The following DPP9 variants were observed in gnomAD, a reference collection of about 807,000 sequenced individuals.
The protein encoded by DPP9 is dipeptidyl peptidase 9, also known as dipeptidyl peptidase IV-related protein-2.
In DPP9, 50 loss-of-function variants were observed where a neutral mutation model predicts 110.7. The ratio of observed to expected loss-of-function variants is 0.45; its 90% CI spans 0.36 to 0.57. The LOEUF is 0.57. Among genes scored for constraint, DPP9 ranks in the 20% least tolerant of loss-of-function variants. The pLI, the probability that DPP9 is intolerant of heterozygous loss-of-function variation, is 0.00. For synonymous variants in DPP9, 561 were observed against 514.4 expected (o/e 1.09, Z -1.23); for missense variants, 1,022 against 1,217.9 (o/e 0.84, Z 2.39).
At chr19:4,722,414 C>A (rs2093362284) in intron 2 of DPP9, 85 bp downstream of exon 2, 2 of 670,154 alleles carry the variant, frequency 3.0e-6, no homozygotes, top group Admixed American at 4.6e-5. Context: ...CATTTCCTGC[C>A]CATGTCTATA....
At chr19:4,717,436 G>A (rs1568335387) in intron 3 of DPP9, among the ~76,000 whole-genome samples, 1 of 152,142 alleles carries the variant, frequency 6.6e-6, no homozygotes, top group Non-Finnish European at 1.5e-5. Flanking sequence ...TCCTCTGAGC[G>A]GCCTAAGCAC....
chr19:4,704,232 C>T lies in DPP9; in HGVS notation c.499G>A (p.Gly167Ser), dbSNP rs1193951296. The stretch of plus-strand genomic sequence containing the variant: ...CTGTGGAAGTCGTAGGAGGTGATGC[C>T]GAAGACCCCCAGGCGTTTCCGCTCC... ...LRERKRLGVFGITSYDFHSES... is the reference protein window; with the variant it reads ...LRERKRLGVFSITSYDFHSES... Residue 167 changes from glycine (G) to serine (S), a missense_variant, in exon 6 of 22, where the codon GGC becomes AGC. This residue lies in a region of DPP9 where 810 missense variants were observed against 920.6 expected (regional missense o/e 0.88). Coordinates refer to ENST00000262960, the MANE Select transcript of DPP9 (RefSeq NM_139159.5). This position sits in a 1 kb window ranked among gnomAD's most constrained non-coding sequence, Gnocchi z 6.0. 1 of 1,613,984 alleles carries T rather than the reference C, an allele frequency of 6.2e-7. No homozygotes were observed. Among genetic ancestry groups the T allele is most frequent in the Non-Finnish European group, 8.5e-7 (1 of 1,179,898 alleles).
In DPP9 at chr19:4,676,781, G is replaced by A. The variant is rs1237731176; in HGVS notation, c.2587-125C>T. ...GGTGCTCTGAGGCCCAGTGATCTGG[G>A]TTTGAATCCCACCTCGGCTGTTGAC... On this transcript the variant is annotated intron_variant, in intron 21 of 21. Transcript: ENST00000262960. This position sits in a 1 kb window ranked among gnomAD's most constrained non-coding sequence, Gnocchi z 4.0. 1.3e-6 allele frequency: 1 copy of A among 746,158 alleles called. No homozygotes were observed. Among genetic ancestry groups the A allele is most frequent in the Admixed American group, 2.1e-5 (1 of 46,568 alleles). The allele number at this position is 746,158 out of a possible 1,614,324, so 46.2% of individuals were successfully genotyped here.
At chr19:4,691,500 C>A (rs1409180757) in intron 13 of DPP9, among the ~76,000 whole-genome samples, 22 of 148,758 alleles carry the variant, frequency 1.5e-4, no homozygotes, top group African/African-American at 5.5e-4. Context: ...AAACAAAAAA[C>A]AGGAAGAGAA....
intron 3 of DPP9, 146 bp from the exon 4 acceptor site, chr19:4,714,483 G>A: frequency 9.9e-7 from 1 of 1,014,110 alleles, no homozygotes; most frequent in Non-Finnish European, 1.4e-6. Flanking sequence ...TTCTTGGGTT[G>A]GTCTACCTCT....
At position 4,683,587 on chromosome 19, in the gene DPP9, C is replaced by T. The variant is rs772255206; in HGVS notation, c.2221G>A (p.Val741Met). ...IEDQVEGLQF[V>M]AEKYGFIDLS... ...TCGATGAAGCCATACTTCTCGGCCA[C>T]GAACTGCAGGCCCTCCACCTGGTCC... The change falls in exon 19 of 22, where the codon GTG (valine) becomes ATG (methionine). Residue 741 changes from valine (V) to methionine (M), a missense_variant. By Grantham distance (21) the Val-to-Met change is conservative. Coordinates refer to ENST00000262960, the MANE Select transcript of DPP9 (RefSeq NM_139159.5). 9.9e-6 allele frequency: 16 copies of T among 1,613,470 alleles called. No homozygotes were observed. The Admixed American group carries it at 2.2e-4, about 22-fold the overall frequency.
intron 4 of DPP9, among the ~76,000 whole-genome samples, chr19:4,711,068 C>T (rs988730616): frequency 6.6e-6 from 1 of 152,108 alleles, no homozygotes; most frequent in African/African-American, 2.4e-5. Context: ...GAACCTGAGG[C>T]ATGGAATCCC....
chr19:4,683,374 C>T lies in DPP9; in HGVS notation c.2331+103G>A, dbSNP rs768313705. 5.4e-5 allele frequency: 83 copies of T among 1,543,818 alleles called. 2 individuals are homozygous for T. In the South Asian group the frequency reaches 7.0e-4, roughly 13 times the overall value. ...CAAGGCCCCTGCCGAGGCGCCTCCC[C>T]GGTAGGTGGGCTCCGGGTGGCGCGG... On this transcript the variant is annotated intron_variant, in intron 19 of 21. Transcript: ENST00000262960.
At position 4,682,464 on chromosome 19, in the gene DPP9, T is replaced by C. The variant is rs990238689; in HGVS notation, c.2474+232A>G. Among the ~76,000 whole-genome samples the C allele has an allele frequency of 5.3e-5, 8 of 152,054 alleles. No homozygotes were observed. Among genetic ancestry groups the C allele is most frequent in the African/African-American group, 1.9e-4 (8 of 41,410 alleles). The stretch of plus-strand genomic sequence containing the variant: ...GTGAGCCTCCTTCCCCAGACAAGCA[T>C]CCCTGGGTGCCCCTTCCTGCAAGGT... On this transcript the variant is annotated intron_variant, in intron 20 of 21. Transcript: ENST00000262960. The surrounding 1 kb of genome is among the most constrained non-coding windows in gnomAD (Gnocchi z 7.1).
At chr19:4,702,915 C>T (rs115830079) in intron 7 of DPP9, among the ~76,000 whole-genome samples, 199 bp from the exon 8 acceptor site, 2,063 of 142,668 alleles carry the variant, frequency 0.014, 48 homozygotes, top group African/African-American at 0.05. Context: ...CCACCCCACA[C>T]TGTGGACACT....
chr19:4,683,461 CA>C lies in DPP9; in HGVS notation c.2331+15del, dbSNP rs768228817. The C allele has an allele frequency of 8.1e-6, 13 of 1,612,368 alleles. No homozygotes were observed. The Admixed American group carries it at 1.7e-4, about 21-fold the overall frequency. On this transcript the variant is annotated intron_variant, in intron 19 of 21. Transcript: ENST00000262960. ...AGGGAGGGGCGTGGCTGAGGCCGGC[CA>C]GGGGTGGGACCCACCTTGAACACCT...
chr19:4,676,263 T>A lies in DPP9; in HGVS notation c.*301A>T, dbSNP rs775328112. ...CCGCTCCTCTGAGTCTCTTCTGGCC[T>A]CTCCAGTGCCCATCAGCGTGTGACC... On this transcript the variant is annotated 3_prime_UTR_variant, in exon 22 of 22. Transcript: ENST00000262960. This position sits in a 1 kb window ranked among gnomAD's most constrained non-coding sequence, Gnocchi z 4.0. The A allele has an allele frequency of 1.2e-5, 5 of 426,914 alleles. No individual in the cohort carries two copies. Among genetic ancestry groups the A allele is most frequent in the Non-Finnish European group, 2.2e-5 (5 of 229,684 alleles). The allele number at this position is 426,914 out of a possible 1,614,324, so 26.4% of individuals were successfully genotyped here.
Position 4,685,132 on chromosome 19 carries a change from C to G in DPP9, c.2032-323G>C. ...CTCGGGTGGGGCCATCTGGGCACTG[C>G]GGGGTGCTGAGAAGCCACTCCAGGC... On this transcript the variant is annotated intron_variant, in intron 17 of 21. Transcript: ENST00000262960. This position sits in a 1 kb window ranked among gnomAD's most constrained non-coding sequence, Gnocchi z 5.8. 1.8e-6 allele frequency: 1 copy of G among 569,064 alleles called. No homozygotes were observed. Among genetic ancestry groups the G allele is most frequent in the South Asian group, 1.5e-5 (1 of 65,564 alleles). 35.3% of individuals were successfully genotyped at this position (569,064 alleles called of 1,614,324 possible).
rs1181776810 is a variant in DPP9 at position 4,695,750 on chromosome 19, A to C, written c.1176-195T>G. 6.6e-6 allele frequency among the ~76,000 whole-genome samples: 1 copy of C among 152,224 alleles called. No individual in the cohort carries two copies. The highest frequency in any genetic ancestry group is 1.5e-5 in the Non-Finnish European group (1 of 68,046). On this transcript the variant is annotated intron_variant, in intron 11 of 21. Coordinates refer to ENST00000262960, the MANE Select transcript of DPP9 (RefSeq NM_139159.5). This position sits in a 1 kb window ranked among gnomAD's most constrained non-coding sequence, Gnocchi z 4.7. ...TCCTGGCACATGCTTAGGGGAGGAC[A>C]GGATGGGTGACAAGATTTCATGATC...
At position 4,676,635 on chromosome 19, in the gene DPP9, T is replaced by A. The variant is rs1373870089; in HGVS notation, c.2608A>T (p.Ser870Cys). Residue 870 changes from serine to cysteine, a missense_variant, in exon 22 of 22, where the codon AGT becomes TGT. Ser to Cys is a moderately radical substitution (Grantham distance 112, BLOSUM62 -1). Coordinates refer to ENST00000262960, the MANE Select transcript of DPP9 (RefSeq NM_139159.5). The surrounding 1 kb of genome is among the most constrained non-coding windows in gnomAD (Gnocchi z 4.0). ...TCGCCCGACTCGGGGCAGCGAATAC[T>A]GTGTCTCTCGTTGGGGTAGATCTGC... ...QLQIYPNERH[S>C]IRCPESGEHY... is the part of the protein sequence containing the mutation. 1.6e-5 allele frequency: 25 copies of A among 1,606,772 alleles called. No individual in the cohort carries two copies. The highest frequency in any genetic ancestry group is 2.0e-5 in the Non-Finnish European group (24 of 1,176,754).
Position 4,688,852 on chromosome 19 carries a change from G to T in DPP9, c.1790C>A (p.Thr597Lys). Residue 597 changes from threonine (T) to lysine (K), a missense_variant, in exon 16 of 22, where the codon ACG (threonine) becomes AAG (lysine). Around this residue, in one of 3 missense-constraint regions of DPP9, gnomAD observed 810 missense variants for 920.6 expected, o/e 0.88. Coordinates refer to ENST00000262960, the MANE Select transcript of DPP9 (RefSeq NM_139159.5). ...MFVSHYSSVS[T>K]PPCVHVYKLS... Reference sequence around the variant, plus strand: ...CTTGTAGACGTGCACGCAGGGCGGCGTGCTCACGCTGCTGTAGTGGCTGAC... The same window carrying T: ...CTTGTAGACGTGCACGCAGGGCGGCTTGCTCACGCTGCTGTAGTGGCTGAC... 6.6e-7 allele frequency: 1 copy of T among 1,516,870 alleles called. No homozygotes were observed. Among genetic ancestry groups the T allele is most frequent in the East Asian group, 2.7e-5 (1 of 37,552 alleles). 94.0% of individuals were successfully genotyped at this position (1,516,870 alleles called of 1,614,324 possible).
At position 4,695,882 on chromosome 19, in the gene DPP9, T is replaced by C. The variant is rs552092706; in HGVS notation, c.1176-327A>G. ...AGTCGCTATCCTTTATTTCGTAGTT[T>C]GCTTTATTTTATTTATTTATTTCTT... On this transcript the variant is annotated intron_variant, in intron 11 of 21. Coordinates refer to ENST00000262960, the MANE Select transcript of DPP9 (RefSeq NM_139159.5). The surrounding 1 kb of genome is among the most constrained non-coding windows in gnomAD (Gnocchi z 4.7). Among the ~76,000 whole-genome samples, 145 of 152,314 alleles carry C rather than the reference T, an allele frequency of 9.5e-4. No homozygotes were observed. The highest frequency in any genetic ancestry group is 3.4e-3 in the African/African-American group (143 of 41,568).
In DPP9 at chr19:4,694,878, T is replaced by G; in HGVS notation, c.1354-55A>C. 1.9e-6 allele frequency: 3 copies of G among 1,575,242 alleles called. No individual in the cohort carries two copies. The highest frequency in any genetic ancestry group is 1.7e-6 in the Non-Finnish European group (2 of 1,152,516). On this transcript the variant is annotated intron_variant, in intron 12 of 21. Coordinates refer to ENST00000262960, the MANE Select transcript of DPP9 (RefSeq NM_139159.5). This position sits in a 1 kb window ranked among gnomAD's most constrained non-coding sequence, Gnocchi z 4.0. ...AGAAGGTGTGGGTGGCCGGGCATGG[T>G]GGCTCACACCAGTAATCCCAGTAGT...
chr19:4,709,296 T>C lies in DPP9; in HGVS notation c.314-3326A>G, dbSNP rs12609611. ...GCAAGGAACACAGGTTTCCCACGCA[T>C]GAGGAAGCGCGCTTGTGAAGTACAG... On this transcript the variant is annotated intron_variant, in intron 4 of 21. Coordinates refer to ENST00000262960, the MANE Select transcript of DPP9 (RefSeq NM_139159.5). 3.6e-4 allele frequency among the ~76,000 whole-genome samples: 55 copies of C among 151,940 alleles called. No individual in the cohort carries two copies. The East Asian group carries it at 9.7e-3, about 27-fold the overall frequency.
Sources: gnomAD v4.1 joint callset for allele counts (sites outside exome capture counted in the v4.1 genomes callset) on GRCh38, gnomAD v4.1.1 for gene constraint, gnomAD v4.1.1 regional missense constraint, Gnocchi (gnomAD v3.1) non-coding constraint, MANE v1.5 for transcripts, NCBI Gene and HGNC (gene_info 2026-07-23, HGNC 2026-07-21) for gene names.